Variants in ERCC6 observed in about 807,000 individuals in gnomAD.
ERCC6 encodes ERCC excision repair 6, chromatin remodeling factor, also known as DNA excision repair protein ERCC-6.
ERCC6 carries 116 observed loss-of-function variants against 158.7 expected under a neutral mutation model. That is an observed-to-expected ratio of 0.73 (90% confidence interval 0.63 to 0.85). The LOEUF is 0.85. Ranked by LOEUF, ERCC6 falls within the 40% of genes least tolerant of loss-of-function variation. The pLI is 0.00. For missense variants in ERCC6, 1,698 were observed against 1,799.4 expected (o/e 0.94, Z 1.02); for synonymous variants, 678 against 659.3 (o/e 1.03, Z -0.43).
At chr10:49,511,421 TTTTTAC>T (rs1836815694) in intron 5 of ERCC6, among the ~76,000 whole-genome samples, 1 of 90,632 alleles carries the variant, frequency 1.1e-5, no homozygotes, top group Admixed American at 1.7e-4. Flanking sequence ...TTCATCTTCT[TTTTTAC>T]TTTTTTTTTT....
chr10:49,444,559 G>A, the ERCC6 span, among the ~76,000 whole-genome samples: 1 of 152,190 alleles, frequency 6.6e-6, no homozygotes, highest in Admixed American at 6.5e-5. Flanking sequence ...AATCCTAGGA[G>A]AGAACAGTCG....
chr10:49,460,593 T>C, intron 19 of ERCC6, 142 bp from the exon 20 acceptor site: 1 of 699,320 alleles, frequency 1.4e-6, no homozygotes, highest in Non-Finnish European at 2.5e-6. Context: ...ATTTCTGCTC[T>C]ATCCCCCTCG....
intron 5 of ERCC6, among the ~76,000 whole-genome samples, chr10:49,512,244 G>A (rs1836834020): frequency 6.6e-6 from 1 of 152,108 alleles, no homozygotes; most frequent in Admixed American, 6.5e-5. Flanking sequence ...CTATCATCCA[G>A]GACAGCAAGG....
In ERCC6 at chr10:49,532,655, C is replaced by T. The variant is rs371100244; in HGVS notation, c.310G>A (p.Val104Met). Residue 104 changes from valine (V) to methionine (M), a missense_variant, in exon 2 of 21, where the codon GTG becomes ATG. By Grantham distance (21) the Val-to-Met change is conservative. Coordinates refer to ENST00000355832, the MANE Select transcript of ERCC6 (RefSeq NM_000124.4). ...TGCTGAAGCACTCCCTGTTCCAGCA[C>T]GTCCTGGTCATAGACGTCCACACCC... ...GLGVDVYDQD[V>M]LEQGVLQQVD... The T allele has an allele frequency of 9.9e-6, 16 of 1,614,094 alleles. No individual in the cohort carries two copies. The highest frequency in any genetic ancestry group is 6.6e-5 in the South Asian group (6 of 91,090).
intron 7 of ERCC6, among the ~76,000 whole-genome samples, chr10:49,494,666 C>T (rs779986881): frequency 4.6e-5 from 7 of 152,148 alleles, no homozygotes; most frequent in African/African-American, 7.2e-5. Context: ...GCATGGTACT[C>T]CCCTGAAACT....
downstream of ERCC6, among the ~76,000 whole-genome samples, chr10:49,454,202 T>G (rs1486627862): frequency 1.3e-5 from 2 of 152,216 alleles, no homozygotes; most frequent in Non-Finnish European, 2.9e-5. Flanking sequence ...GGCTGACAAT[T>G]TCTTCTGCCA....
At chr10:49,516,443 A>G (rs1393914738) in intron 5 of ERCC6, 1 of 1,614,210 alleles carries the variant, frequency 6.2e-7, no homozygotes, top group East Asian at 2.2e-5. Flanking sequence ...TAGAAAATAT[A>G]GTTTCAAACC....
rs1850834104 is a variant in ERCC6 at position 49,474,211 on chromosome 10, A to G, written c.2414T>C (p.Ile805Thr). The G allele has an allele frequency of 6.2e-7, 1 of 1,613,940 alleles. No homozygotes were observed. The highest frequency in any genetic ancestry group is 1.3e-5 in the African/African-American group (1 of 74,894). The change falls in exon 13 of 21, where the codon ATT becomes ACT. Residue 805 changes from isoleucine to threonine, a missense_variant. Physicochemically the swap from Ile to Thr is moderately conservative, Grantham distance 89 (BLOSUM62 -1). Transcript: ENST00000355832. ...IFSGLIALRKICNHPDLFSGG... is the reference protein window; with the variant it reads ...IFSGLIALRKTCNHPDLFSGG... Reference sequence around the variant, plus strand: ...AGAAAAGAGATCAGGGTGGTTGCAAATTTTTCTTAGGGCTATAAGTCCGGA... The same window carrying G: ...AGAAAAGAGATCAGGGTGGTTGCAAGTTTTTCTTAGGGCTATAAGTCCGGA...
chr10:49,489,966 T>C (rs1213297350), intron 8 of ERCC6, among the ~76,000 whole-genome samples: 1 of 152,238 alleles, frequency 6.6e-6, no homozygotes, highest in African/African-American at 2.4e-5. Flanking sequence ...GTGTTTATTG[T>C]TGTTTTAACA....
chr10:49,478,042 TCA>T lies in ERCC6; in HGVS notation c.2286+310_2286+311del, dbSNP rs374876100. Among the ~76,000 whole-genome samples the T allele has an allele frequency of 2.8e-3, 420 of 152,348 alleles. 1 individual carries two copies. The highest frequency in any genetic ancestry group is 9.8e-3 in the African/African-American group (409 of 41,578). On this transcript the variant is annotated intron_variant, in intron 11 of 20. Transcript: ENST00000355832. ...AACTTGCTTTGTTCACTGCTGTATC[TCA>T]GAGCCTAGGATCACGACAGGCATAT... is the stretch of plus-strand genomic sequence containing the variant.
chr10:49,476,429 C>T (rs1850878961), intron 11 of ERCC6, 119 bp from the exon 12 acceptor site: 2 of 687,178 alleles, frequency 2.9e-6, no homozygotes, highest in Non-Finnish European at 2.5e-6. Flanking sequence ...TAATGATATC[C>T]CTATTATTAA....
rs757369362 is a variant in ERCC6, at chr10:49,470,370, T to A, written c.3590A>T (p.Glu1197Val). 1 of 1,614,106 alleles carries A rather than the reference T, an allele frequency of 6.2e-7. No homozygotes were observed. The highest frequency in any genetic ancestry group is 8.5e-7 in the Non-Finnish European group (1 of 1,180,028). Residue 1197 changes from glutamate to valine, a missense_variant, in exon 18 of 21, where the codon GAG becomes GTG. Physicochemically the swap from Glu to Val is moderately radical, Grantham distance 121. Transcript: ENST00000355832. ...HHSVAEEETL[E>V]KHLRPKQKPK... ...CTTTTGCTTTGGTCTCAGATGTTTC[T>A]CCAGGGTCTCTTCTTCTGCCACACT...
In ERCC6 at chr10:49,470,646, T is replaced by C. The variant is rs757873730; in HGVS notation, c.3314A>G (p.Asp1105Gly). Residue 1105 changes from aspartate (D) to glycine (G), a missense_variant, in exon 18 of 21, where the codon GAT (aspartate) becomes GGT (glycine). Transcript: ENST00000355832. Reference protein sequence around the residue: ...PHMSSNVTSNDRLGEETNAVS... With the variant: ...PHMSSNVTSNGRLGEETNAVS... ...TGCATTTGTCTCTTCTCCAAGCCTA[T>C]CATTGCTAGTTACATTACTACTCAT... 12 of 1,613,642 alleles carry C rather than the reference T, an allele frequency of 7.4e-6. No homozygotes were observed. The highest frequency in any genetic ancestry group is 5.1e-6 in the Non-Finnish European group (6 of 1,179,770).
chr10:49,469,396 A>AT (rs1850732937), intron 18 of ERCC6, among the ~76,000 whole-genome samples: 1 of 152,198 alleles, frequency 6.6e-6, no homozygotes, highest in Non-Finnish European at 1.5e-5. Context: ...GTATGCATAG[A>AT]TGGGTGTGTG....
rs1240240430 is a variant in ERCC6, at chr10:49,467,082, G to A, written c.3778+3100C>T. Among the ~76,000 whole-genome samples, 6 of 152,092 alleles carry A rather than the reference G, an allele frequency of 3.9e-5. No individual in the cohort carries two copies. The South Asian group carries it at 6.2e-4, about 16-fold the overall frequency. On this transcript the variant is annotated intron_variant, in intron 18 of 20. Coordinates refer to ENST00000355832, the MANE Select transcript of ERCC6 (RefSeq NM_000124.4). ...AGGCGTGAGCCAAGCCCCACCTGTC[G>A]ACTAGTATTTGATCATATGGATATG...
At chr10:49,447,059 T>C in the ERCC6 span, among the ~76,000 whole-genome samples, 1 of 151,840 alleles carries the variant, frequency 6.6e-6, no homozygotes, top group African/African-American at 2.4e-5. Context: ...AGAGTGAAAC[T>C]GCAGAACACC....
downstream of ERCC6, among the ~76,000 whole-genome samples, chr10:49,451,208 G>A (rs1265327067): frequency 2.4e-5 from 3 of 124,178 alleles, no homozygotes; most frequent in Admixed American, 9.6e-5. Flanking sequence ...GGATTCCCTA[G>A]AATCTTCTAC....
chr10:49,478,409 C>A lies in ERCC6; in HGVS notation c.2231G>T (p.Arg744Leu), dbSNP rs755554536. 6.2e-7 allele frequency: 1 copy of A among 1,613,930 alleles called. No homozygotes were observed. Among genetic ancestry groups the A allele is most frequent in the South Asian group, 1.1e-5 (1 of 91,066 alleles). ...LRDTINPYLL[R>L]RMKSDVKMSL... Reference sequence around the variant, plus strand: ...CATCTTGACATCTGACTTCATTCTCCGCAGTAGGTATGGATTTATGGTATC... The same window carrying A: ...CATCTTGACATCTGACTTCATTCTCAGCAGTAGGTATGGATTTATGGTATC... Residue 744 changes from arginine (R) to leucine (L), a missense_variant, in exon 11 of 21, where the codon CGG (arginine) becomes CTG (leucine). Arg to Leu is a moderately radical substitution (Grantham distance 102). Transcript: ENST00000355832.
intron 4 of ERCC6, among the ~76,000 whole-genome samples, chr10:49,528,136 C>T (rs143347263): frequency 7.0e-4 from 106 of 152,220 alleles, no homozygotes; most frequent in African/African-American, 2.4e-3. Flanking sequence ...ATCAAATTAA[C>T]AAAATAAGAA....
Sources: gnomAD v4.1 joint callset for allele counts (sites outside exome capture counted in the v4.1 genomes callset) on GRCh38, gnomAD v4.1.1 for gene constraint, MANE v1.5 for transcripts, NCBI Gene and HGNC (gene_info 2026-07-23, HGNC 2026-07-21) for gene names.